RBM39: variants seen among roughly 807,000 people sequenced by gnomAD.
The protein encoded by RBM39 is RNA-binding protein 39.
RBM39 carries 12 observed loss-of-function variants against 79.6 expected under a neutral mutation model. That is an observed-to-expected ratio of 0.15 (90% CI 0.10 to 0.24). The LOEUF (loss-of-function observed/expected upper bound fraction) is 0.24, where lower values mean the gene tolerates loss of function less well. RBM39 is among the 10% of genes least tolerant of loss of function. RBM39 has a pLI of 1.00. For synonymous variants in RBM39, 185 were observed against 208.4 expected, an observed-to-expected ratio of 0.89 and a Z score of 0.97; for missense variants, 243 against 653.4, an observed-to-expected ratio of 0.37 and a Z score of 6.85.
intron 14 of RBM39, among the ~76,000 whole-genome samples, chr20:35,706,579 G>A (rs760940661): frequency 1.5e-4 from 23 of 152,080 alleles, no homozygotes; most frequent in Non-Finnish European, 3.2e-4. Context: ...AATGAGAAGA[G>A]TTAAAAAATA....
intron 13 of RBM39, chr20:35,707,855 G>GGGA (rs1179656370): frequency 1.5e-5 from 7 of 461,072 alleles, no homozygotes; most frequent in Non-Finnish European, 2.2e-5. Context: ...GGGGTTTGAA[G>GGGA]TTTAAAGAGC....
At chr20:35,718,177 T>C (rs2037405970) in intron 9 of RBM39, among the ~76,000 whole-genome samples, 1 of 152,114 alleles carries the variant, frequency 6.6e-6, no homozygotes, top group African/African-American at 2.4e-5. Context: ...GAACTTTTAA[T>C]GTTAAGTATA....
At chr20:35,708,914 T>C (rs1160758400) in intron 13 of RBM39, 4 of 231,268 alleles carry the variant, frequency 1.7e-5, no homozygotes, top group Non-Finnish European at 2.6e-5. Context: ...CTTCATTTCC[T>C]GACTTCTATA....
At chr20:35,711,493 C>CA (rs576870130) in intron 12 of RBM39, among the ~76,000 whole-genome samples, 3 of 152,148 alleles carry the variant, frequency 2.0e-5, no homozygotes, top group Non-Finnish European at 4.4e-5. Flanking sequence ...GTTAAATACA[C>CA]AAATGCCTTA....
intron 3 of RBM39, chr20:35,732,514 C>T: frequency 4.8e-6 from 1 of 208,570 alleles, no homozygotes; most frequent in Non-Finnish European, 9.9e-6. Context: ...CAAGATCCCG[C>T]CACTGGTACT....
chr20:35,739,668 G>A, intron 2 of RBM39: 1 of 347,972 alleles, frequency 2.9e-6, no homozygotes, highest in Non-Finnish European at 6.0e-6. Flanking sequence ...TGTTTACATG[G>A]AATTACATCC....
chr20:35,735,968 G>A (rs952956102), intron 3 of RBM39, among the ~76,000 whole-genome samples: 4 of 152,090 alleles, frequency 2.6e-5, no homozygotes, highest in Non-Finnish European at 4.4e-5. Flanking sequence ...CTTATACACA[G>A]GATAAAAACA....
chr20:35,713,009 C>T lies in RBM39; in HGVS notation c.1174+10G>A. The T allele has an allele frequency of 6.3e-7, 1 of 1,591,202 alleles. No individual in the cohort carries two copies. The highest frequency in any genetic ancestry group is 8.5e-7 in the Non-Finnish European group (1 of 1,172,674). Reference sequence around the variant, plus strand: ...AAACGATTTAAAATTAGAAAAGATTCAATTCCTACCTGCCACAGCACCAAA... The same window carrying T: ...AAACGATTTAAAATTAGAAAAGATTTAATTCCTACCTGCCACAGCACCAAA... On this transcript the variant is annotated intron_variant, in intron 12 of 16. Transcript: ENST00000253363.
At chr20:35,705,563 C>T (rs1012869111) in intron 14 of RBM39, among the ~76,000 whole-genome samples, 2 of 151,242 alleles carry the variant, frequency 1.3e-5, no homozygotes, top group African/African-American at 4.9e-5. Flanking sequence ...TTTGGGAGGC[C>T]GAAGTGGGCA....
chr20:35,724,475 T>C (rs771838543), intron 8 of RBM39, 95 bp downstream of exon 8: 210 of 1,134,932 alleles, frequency 1.9e-4, no homozygotes, highest in Non-Finnish European at 2.3e-4. Context: ...CTCAACGTAA[T>C]GAGCAGCAGT....
Position 35,716,812 on chromosome 20 carries a change from T to A in RBM39, c.826-7A>T. 6.3e-7 allele frequency: 1 copy of A among 1,587,016 alleles called. No individual in the cohort carries two copies. The highest frequency in any genetic ancestry group is 1.1e-5 in the South Asian group (1 of 89,048). ...TCAGCTGGATACTTTCAATCTATAATTGAAAAGCATAATTACTATAACTTA... is the reference window on the plus strand; with the variant it reads ...TCAGCTGGATACTTTCAATCTATAAATGAAAAGCATAATTACTATAACTTA... On this transcript the variant is annotated splice_region_variant and splice_polypyrimidine_tract_variant and intron_variant, in intron 9 of 16. Transcript: ENST00000253363.
chr20:35,729,881 A>C (rs1162646492), intron 4 of RBM39, among the ~76,000 whole-genome samples: 2 of 152,070 alleles, frequency 1.3e-5, no homozygotes, highest in African/African-American at 4.8e-5. Flanking sequence ...TATAAAAAAT[A>C]AATCCCTCTG....
chr20:35,734,310 C>T (rs1021338546), intron 3 of RBM39: 1 of 1,045,084 alleles, frequency 9.6e-7, no homozygotes, highest in African/African-American at 1.7e-5. Context: ...TGCTAGGTAG[C>T]ACATGACAGA....
chr20:35,709,098 G>T, intron 13 of RBM39, 126 bp downstream of exon 13: 1 of 725,252 alleles, frequency 1.4e-6, no homozygotes, highest in Non-Finnish European at 2.2e-6. Context: ...ACCACTATGT[G>T]TCACTGTGTC....
intron 3 of RBM39, chr20:35,736,403 C>T: frequency 3.3e-6 from 1 of 301,148 alleles, no homozygotes; most frequent in Non-Finnish European, 7.0e-6. Flanking sequence ...ATTTTTAATC[C>T]ATTACCACAT....
At chr20:35,739,306 T>C (rs146700033) in intron 2 of RBM39, 2 of 465,660 alleles carry the variant, frequency 4.3e-6, no homozygotes, top group South Asian at 3.8e-5. Context: ...AGATTTACAA[T>C]GTTGAAGTGG....
chr20:35,740,280 T>G (rs1309576895), intron 2 of RBM39: 1 of 216,798 alleles, frequency 4.6e-6, no homozygotes, highest in Non-Finnish European at 9.7e-6. Context: ...TGGACTGTTT[T>G]AAGATTTACT....
chr20:35,722,417 A>AT (rs1287799744), intron 8 of RBM39, among the ~76,000 whole-genome samples: 18 of 112,826 alleles, frequency 1.6e-4, no homozygotes, highest in South Asian at 2.9e-4. Context: ...AAAAAAAATA[A>AT]AAATAAAAAA....
chr20:35,728,434 AATAAATG>A (rs1481612503), intron 6 of RBM39, among the ~76,000 whole-genome samples: 3 of 152,236 alleles, frequency 2.0e-5, no homozygotes, highest in African/African-American at 7.2e-5. Flanking sequence ...CATTAAAAAT[AATAAATG>A]CAAAAAGTTT....
Sources: gnomAD v4.1 joint callset for allele counts (sites outside exome capture counted in the v4.1 genomes callset) on GRCh38, gnomAD v4.1.1 for gene constraint, MANE v1.5 for transcripts, NCBI Gene and HGNC (gene_info 2026-07-23, HGNC 2026-07-21) for gene names.